The following CNTN4 variants were observed in gnomAD, a reference collection of about 807,000 sequenced individuals.
CNTN4 encodes the protein contactin 4.
Under a neutral mutation model 122.5 loss-of-function variants are expected in CNTN4, and 77 were observed. The observed-to-expected ratio is 0.63, with a 90% confidence interval of 0.52 to 0.76. The LOEUF (loss-of-function observed/expected upper bound fraction) is 0.76, where lower values mean the gene tolerates loss of function less well. CNTN4 is among the 30% of genes least tolerant of loss of function. CNTN4 has a pLI of 0.00. For synonymous variants in CNTN4, 512 were observed against 447.0 expected, an observed-to-expected ratio of 1.15 and a Z score of -1.83; for missense variants, 1,256 against 1,259.1, an observed-to-expected ratio of 1.00 and a Z score of 0.04.
intron 2 of CNTN4, among the ~76,000 whole-genome samples, chr3:2,252,016 A>G (rs2040397850): frequency 6.6e-6 from 1 of 151,978 alleles, no homozygotes; most frequent in African/African-American, 2.4e-5. Flanking sequence ...AGGCTAAGTT[A>G]ATTCAAATCA....
At chr3:2,680,131 A>G (rs1277220123) in intron 4 of CNTN4, among the ~76,000 whole-genome samples, 2 of 152,244 alleles carry the variant, frequency 1.3e-5, no homozygotes, top group Non-Finnish European at 2.9e-5. Context: ...AATTTATAAT[A>G]CAATACAAAA....
At chr3:3,043,300 C>G in intron 22 of CNTN4, 137 bp downstream of exon 22, 1 of 906,198 alleles carries the variant, frequency 1.1e-6, no homozygotes, top group African/African-American at 1.7e-5. Flanking sequence ...AGCATTTTAA[C>G]TGAACCTTTC....
intron 2 of CNTN4, among the ~76,000 whole-genome samples, chr3:2,312,609 A>G (rs11921678): frequency 6.6e-6 from 1 of 151,960 alleles, no homozygotes; most frequent in African/African-American, 2.4e-5. Flanking sequence ...TGTGACACAG[A>G]TGGTTTGGTC....
intron 4 of CNTN4, among the ~76,000 whole-genome samples, chr3:2,584,917 G>GTAGATAGA (rs760860047): frequency 5.9e-4 from 89 of 151,262 alleles, no homozygotes; most frequent in East Asian, 2.0e-3. Flanking sequence ...AGGTAGGTAG[G>GTAGATAGA]TAGATAGATA....
intron 3 of CNTN4, among the ~76,000 whole-genome samples, chr3:2,556,507 G>A (rs190951839): frequency 2.0e-5 from 3 of 152,268 alleles, no homozygotes; most frequent in Admixed American, 2.0e-4. Flanking sequence ...AGGATGTGCA[G>A]TAGGTTTTTT....
intron 2 of CNTN4, among the ~76,000 whole-genome samples, chr3:2,267,594 A>G (rs1227740700): frequency 6.6e-6 from 1 of 152,112 alleles, no homozygotes; most frequent in East Asian, 1.9e-4. Flanking sequence ...ATTTGAAAGC[A>G]TAGAATTGCA....
At chr3:2,295,055 A>G (rs1344234622) in intron 2 of CNTN4, among the ~76,000 whole-genome samples, 1 of 151,256 alleles carries the variant, frequency 6.6e-6, no homozygotes, top group East Asian at 2.0e-4. Context: ...TATGTGCCAC[A>G]TTTTCTTAAT....
intron 12 of CNTN4, among the ~76,000 whole-genome samples, 175 bp downstream of exon 12, chr3:2,903,180 C>T (rs895696239): frequency 3.3e-5 from 5 of 152,304 alleles, no homozygotes; most frequent in East Asian, 1.9e-4. Flanking sequence ...AACAAGAGAA[C>T]GCTTTCTAAA....
intron 2 of CNTN4, among the ~76,000 whole-genome samples, chr3:2,158,091 C>T: frequency 1.0e-5 from 1 of 97,170 alleles, no homozygotes; most frequent in East Asian, 2.2e-4. Context: ...TTTAATTTTG[C>T]ATATACTGCA....
At chr3:2,387,145 G>A (rs2046283893) in intron 3 of CNTN4, among the ~76,000 whole-genome samples, 1 of 152,088 alleles carries the variant, frequency 6.6e-6, no homozygotes, top group Admixed American at 6.5e-5. Flanking sequence ...AAACTTATCT[G>A]ATAGTAAATA....
At chr3:2,108,375 T>C (rs1300309499) in intron 2 of CNTN4, among the ~76,000 whole-genome samples, 1 of 152,174 alleles carries the variant, frequency 6.6e-6, no homozygotes, top group Non-Finnish European at 1.5e-5. Context: ...ACTGATATAA[T>C]ATCTGTCATG....
intron 2 of CNTN4, among the ~76,000 whole-genome samples, chr3:2,234,760 A>G (rs1393543173): frequency 6.6e-6 from 1 of 152,154 alleles, no homozygotes; most frequent in African/African-American, 2.4e-5. Flanking sequence ...CAAAGAGCAT[A>G]TTTCTCTTTT....
intron 4 of CNTN4, among the ~76,000 whole-genome samples, chr3:2,707,319 C>CAA (rs369692938): frequency 2.0e-5 from 3 of 150,346 alleles, no homozygotes; most frequent in African/African-American, 7.3e-5. Context: ...AAAAAAAACC[C>CAA]AAAAAAAACA....
intron 2 of CNTN4, among the ~76,000 whole-genome samples, chr3:2,211,104 C>A (rs905371124): frequency 4.6e-5 from 7 of 152,130 alleles, no homozygotes; most frequent in Non-Finnish European, 1.0e-4. Flanking sequence ...AGCATCTGCT[C>A]CTGGAGAGGC....
chr3:2,976,081 G>A (rs1431566458), intron 13 of CNTN4, among the ~76,000 whole-genome samples: 4 of 152,126 alleles, frequency 2.6e-5, no homozygotes, highest in Non-Finnish European at 5.9e-5. Flanking sequence ...CAAAGACATG[G>A]TGTTTCTAGT....
At chr3:2,629,830 A>G (rs1349834552) in intron 4 of CNTN4, among the ~76,000 whole-genome samples, 1 of 152,184 alleles carries the variant, frequency 6.6e-6, no homozygotes, top group Non-Finnish European at 1.5e-5. Context: ...ATACTCTGGT[A>G]TCAGTTATGC....
intron 2 of CNTN4, among the ~76,000 whole-genome samples, chr3:2,217,980 G>A (rs139210964): frequency 3.3e-5 from 5 of 152,252 alleles, no homozygotes; most frequent in East Asian, 1.9e-4. Flanking sequence ...GATAAATAAC[G>A]AAATTTGTGA....
intron 8 of CNTN4, among the ~76,000 whole-genome samples, chr3:2,880,394 G>A (rs978159221): frequency 6.6e-6 from 1 of 152,182 alleles, no homozygotes; most frequent in African/African-American, 2.4e-5. Flanking sequence ...TGCTCTCAGA[G>A]TATACAGCCA....
chr3:3,025,985 G>C, intron 14 of CNTN4, 117 bp from the exon 15 acceptor site: 1 of 1,047,954 alleles, frequency 9.5e-7, no homozygotes, highest in Non-Finnish European at 1.4e-6. Flanking sequence ...CACAGCCTCA[G>C]AAAAAATAAA....
Sources: gnomAD v4.1 joint callset for allele counts (sites outside exome capture counted in the v4.1 genomes callset) on GRCh38, gnomAD v4.1.1 for gene constraint, MANE v1.5 for transcripts, NCBI Gene and HGNC (gene_info 2026-07-23, HGNC 2026-07-21) for gene names.